Variants in MTHFSD observed in about 807,000 individuals in gnomAD.
The protein encoded by MTHFSD is methenyltetrahydrofolate synthetase domain containing, also known as methenyltetrahydrofolate synthase domain-containing protein.
Under a neutral mutation model 31.1 loss-of-function variants are expected in MTHFSD, and 37 were observed. The ratio of observed to expected loss-of-function variants is 1.19; its 90% CI spans 0.91 to 1.56. The LOEUF (loss-of-function observed/expected upper bound fraction) is 1.56. MTHFSD is among the 40% of genes most tolerant of loss of function. The pLI is 0.00. For missense variants in MTHFSD, 664 were observed against 510.1 expected (o/e 1.30, Z -2.91); for synonymous variants, 221 against 206.9 (o/e 1.07, Z -0.59).
rs1291197678 is a variant in MTHFSD at position 86,530,656 on chromosome 16, T to A, written c.*1355A>T. The A allele has an allele frequency of 6.6e-6, 1 of 152,160 alleles. No individual in the cohort carries two copies. Among genetic ancestry groups the A allele is most frequent in the Non-Finnish European group, 1.5e-5 (1 of 68,042 alleles). 9.4% of individuals were successfully genotyped at this position (152,160 alleles called of 1,614,324 possible). On this transcript the variant is annotated 3_prime_UTR_variant, in exon 8 of 8. Transcript: ENST00000360900. ...AAGAATCTTTCAGAAAAAGAAGTAT[T>A]TTTTAAAAAAAGAGAGAAAAGAAGG...
rs16941478 is a variant in MTHFSD at position 86,542,252 on chromosome 16, G to C, written c.443-39C>G. 6.5e-7 allele frequency: 1 copy of C among 1,539,132 alleles called. No homozygotes were observed. Among genetic ancestry groups the C allele is most frequent in the Non-Finnish European group, 8.9e-7 (1 of 1,119,652 alleles). On this transcript the variant is annotated intron_variant, in intron 5 of 7. Transcript: ENST00000360900. This position sits in a 1 kb window ranked among gnomAD's most constrained non-coding sequence, Gnocchi z 4.6. ...GAGAATCAGTATCGCTGTGCGGTCC[G>C]GGGCATCGCTGAGAAGTGGATTTTC...
chr16:86,541,435 C>T, intron 7 of MTHFSD: 1 of 614,666 alleles, frequency 1.6e-6, no homozygotes, highest in Non-Finnish European at 2.7e-6. Context: ...TTCACCCTCC[C>T]AGCCCATGTG....
chr16:86,549,879 G>C (rs569314979), intron 3 of MTHFSD, among the ~76,000 whole-genome samples: 2 of 152,236 alleles, frequency 1.3e-5, no homozygotes, highest in Non-Finnish European at 2.9e-5. Context: ...GTCTGGGGTT[G>C]GGCCTGGGAA....
At chr16:86,534,289 G>A (rs536177967) in intron 7 of MTHFSD, among the ~76,000 whole-genome samples, 1 of 152,182 alleles carries the variant, frequency 6.6e-6, no homozygotes, top group African/African-American at 2.4e-5. Context: ...TACCAGCTCT[G>A]AGGCCCAAGG....
At position 86,531,717 on chromosome 16, in the gene MTHFSD, G is replaced by A. The variant is rs1970006958; in HGVS notation, c.*294C>T. The A allele has an allele frequency of 3.6e-6, 1 of 274,484 alleles. No homozygotes were observed. The highest frequency in any genetic ancestry group is 6.0e-5 in the East Asian group (1 of 16,668). The allele number at this position is 274,484 out of a possible 1,614,324, so 17.0% of individuals were successfully genotyped here. A position where few individuals can be genotyped will look rare whatever the true frequency, so the allele number is the denominator to read the frequency against. ...TGCTTAGCCACTCACTCAGTCCCTG[G>A]CCCCTCTGCTCTGTCCCTCCAGAGA... On this transcript the variant is annotated 3_prime_UTR_variant, in exon 8 of 8. Coordinates refer to ENST00000360900, the MANE Select transcript of MTHFSD (RefSeq NM_001159377.2). This position sits in a 1 kb window ranked among gnomAD's most constrained non-coding sequence, Gnocchi z 5.5.
At chr16:86,551,296 T>C (rs77424323) in intron 3 of MTHFSD, among the ~76,000 whole-genome samples, 4,846 of 152,338 alleles carry the variant, frequency 0.032, 105 homozygotes, top group Non-Finnish European at 0.049. Flanking sequence ...GCCTGTATGT[T>C]TTCAGTTGAG....
intron 7 of MTHFSD, among the ~76,000 whole-genome samples, chr16:86,536,075 G>C (rs1481470900): frequency 6.6e-6 from 1 of 152,190 alleles, no homozygotes; most frequent in African/African-American, 2.4e-5. Context: ...GGCTGGTCTT[G>C]AACTCCTGGG....
At chr16:86,536,962 G>C (rs1298061428) in intron 7 of MTHFSD, among the ~76,000 whole-genome samples, 1 of 152,216 alleles carries the variant, frequency 6.6e-6, no homozygotes, top group Non-Finnish European at 1.5e-5. Context: ...CTGTGCGTGA[G>C]TTTTAAGAAC....
chr16:86,547,106 C>G, intron 4 of MTHFSD: 1 of 934,418 alleles, frequency 1.1e-6, no homozygotes, highest in African/African-American at 1.8e-5. Context: ...AATTAAATAA[C>G]AAAACGTATG....
chr16:86,531,813 C>T lies in MTHFSD; in HGVS notation c.*198G>A, dbSNP rs1022606161. The T allele has an allele frequency of 4.7e-6, 2 of 428,838 alleles. No homozygotes were observed. Among genetic ancestry groups the T allele is most frequent in the Middle Eastern group, 5.8e-4 (1 of 1,712 alleles). 26.6% of individuals were successfully genotyped at this position (428,838 alleles called of 1,614,324 possible). ...CAGTCTCTGCGCGCTGTGAGATGAACCGCAGGGCGGCTTCCCCACTCACAG... is the reference window on the plus strand; with the variant it reads ...CAGTCTCTGCGCGCTGTGAGATGAATCGCAGGGCGGCTTCCCCACTCACAG... On this transcript the variant is annotated 3_prime_UTR_variant, in exon 8 of 8. Coordinates refer to ENST00000360900, the MANE Select transcript of MTHFSD (RefSeq NM_001159377.2). This position sits in a 1 kb window ranked among gnomAD's most constrained non-coding sequence, Gnocchi z 5.5.
rs867912241 is a variant in MTHFSD, at chr16:86,546,559, C to T, written c.442G>A (p.Gly148Ser). Residue 148 changes from glycine to serine, a missense_variant and splice_region_variant, in exon 5 of 8, where the codon GGC (glycine) becomes AGC (serine). Physicochemically the swap from Gly to Ser is moderately conservative, Grantham distance 56. Coordinates refer to ENST00000360900, the MANE Select transcript of MTHFSD (RefSeq NM_001159377.2). Reference sequence around the variant, plus strand: ...AAGGGTTCCCATCTGCTAGTCTTACCTTTTTCAGAAACGGCGACGGATCCC... The same window carrying T: ...AAGGGTTCCCATCTGCTAGTCTTACTTTTTTCAGAAACGGCGACGGATCCC... ...VVGSVAVSEKGWRIGKGEGYA... is the reference protein window; with the variant it reads ...VVGSVAVSEKSWRIGKGEGYA... The T allele has an allele frequency of 4.3e-6, 7 of 1,613,728 alleles. No homozygotes were observed. The highest frequency in any genetic ancestry group is 1.3e-5 in the African/African-American group (1 of 74,906).
At chr16:86,535,388 C>G in intron 7 of MTHFSD, 1 of 985,354 alleles carries the variant, frequency 1.0e-6, no homozygotes, top group Non-Finnish European at 1.2e-6. Context: ...CGATCCCTGC[C>G]ACAGCTGACA....
At chr16:86,554,873 G>C (rs972011324) in intron 1 of MTHFSD, 122 bp from the exon 2 acceptor site, 1 of 1,058,188 alleles carries the variant, frequency 9.5e-7, no homozygotes, top group African/African-American at 1.6e-5. Context: ...TCCTGTTCCT[G>C]AGCCTCAGTT....
rs562694781 is a variant in MTHFSD at position 86,531,753 on chromosome 16, G to A, written c.*258C>T. ...CTGTCCCTCCAGAGAAACAGAAACC[G>A]ACTCAAGGCCCGAGCCTGCACGATT... On this transcript the variant is annotated 3_prime_UTR_variant, in exon 8 of 8. Transcript: ENST00000360900. This position sits in a 1 kb window ranked among gnomAD's most constrained non-coding sequence, Gnocchi z 5.5. 1.5e-5 allele frequency: 5 copies of A among 336,312 alleles called. No individual in the cohort carries two copies. The highest frequency in any genetic ancestry group is 2.7e-5 in the Non-Finnish European group (5 of 186,290). 20.8% of individuals were successfully genotyped at this position (336,312 alleles called of 1,614,324 possible).
At chr16:86,541,361 G>C (rs528915617) in intron 7 of MTHFSD, among the ~76,000 whole-genome samples, 1 of 151,650 alleles carries the variant, frequency 6.6e-6, no homozygotes, top group Non-Finnish European at 1.5e-5. Flanking sequence ...AGCTTGCTGC[G>C]CCTGGGATGG....
At chr16:86,553,865 G>C (rs939337360) in intron 2 of MTHFSD, 3 of 152,480 alleles carry the variant, frequency 2.0e-5, no homozygotes, top group Non-Finnish European at 4.4e-5. Context: ...CTAAGGGATT[G>C]TAAACACACC....
chr16:86,552,294 T>G, intron 2 of MTHFSD, 148 bp from the exon 3 acceptor site: 2 of 1,566,438 alleles, frequency 1.3e-6, no homozygotes, highest in Non-Finnish European at 1.7e-6. Flanking sequence ...AGAAGCGCCC[T>G]GTTTCCAATG....
intron 3 of MTHFSD, among the ~76,000 whole-genome samples, chr16:86,550,775 G>C (rs1410908133): frequency 6.6e-6 from 1 of 152,204 alleles, no homozygotes; most frequent in Non-Finnish European, 1.5e-5. Context: ...AGGCTGACAG[G>C]AAGCTATGCT....
At position 86,531,977 on chromosome 16, in the gene MTHFSD, G is replaced by A. The variant is rs778475388; in HGVS notation, c.*34C>T. 8.8e-6 allele frequency: 12 copies of A among 1,362,080 alleles called. No homozygotes were observed. The highest frequency in any genetic ancestry group is 6.4e-5 in the South Asian group (4 of 62,146). 84.4% of individuals were successfully genotyped at this position (1,362,080 alleles called of 1,614,324 possible). A position where few individuals can be genotyped will look rare whatever the true frequency, so the allele number is the denominator to read the frequency against. The stretch of plus-strand genomic sequence containing the variant: ...CGGAGCGGCAGGGGACGGGGATGGC[G>A]AGTCTGCAGTGAGCTCCGTGGCTGT... On this transcript the variant is annotated 3_prime_UTR_variant, in exon 8 of 8. Transcript: ENST00000360900. The surrounding 1 kb of genome is among the most constrained non-coding windows in gnomAD (Gnocchi z 5.5).
Sources: allele counts gnomAD v4.1 joint callset (sites outside exome capture counted in the v4.1 genomes callset), GRCh38; gene constraint gnomAD v4.1.1; non-coding constraint Gnocchi (gnomAD v3.1); transcripts MANE v1.5; gene names NCBI Gene and HGNC (gene_info 2026-07-23, HGNC 2026-07-21).